SYT16: variants seen among roughly 807,000 people sequenced by gnomAD.
SYT16 encodes the protein synaptotagmin 16, also known as synaptotagmin-16.
Under a neutral mutation model 61.4 loss-of-function variants are expected in SYT16, and 42 were observed. That is an observed-to-expected ratio of 0.68 (90% CI 0.53 to 0.89). The LOEUF (loss-of-function observed/expected upper bound fraction) is 0.89, where lower values mean the gene tolerates loss of function less well. Ranked by LOEUF, SYT16 falls within the 40% of genes least tolerant of loss-of-function variation. The pLI, the probability that SYT16 is intolerant of heterozygous loss-of-function variation, is 0.00. For missense variants in SYT16, 804 were observed against 807.3 expected (o/e 1.00, Z 0.05); for synonymous variants, 314 against 302.3 (o/e 1.04, Z -0.40).
intron 1 of SYT16, among the ~76,000 whole-genome samples, chr14:61,932,783 G>A (rs1321960501): frequency 6.6e-6 from 1 of 152,292 alleles, no homozygotes; most frequent in Middle Eastern, 3.4e-3. Flanking sequence ...CTGCTCATGA[G>A]ATTAAGCTAC....
chr14:62,052,511 T>C (rs2055354850), intron 3 of SYT16, among the ~76,000 whole-genome samples: 1 of 152,238 alleles, frequency 6.6e-6, no homozygotes, highest in Non-Finnish European at 1.5e-5. Flanking sequence ...GCGATTACTA[T>C]GTATACTTTG....
intron 3 of SYT16, among the ~76,000 whole-genome samples, chr14:62,018,098 A>G (rs1228561741): frequency 6.6e-6 from 1 of 151,834 alleles, no homozygotes; most frequent in African/African-American, 2.4e-5. Context: ...TTCCTTTTAA[A>G]CTTACGTCAA....
In SYT16 at chr14:61,969,254, C is replaced by G. The variant is rs2051444212; in HGVS notation, c.-324-878C>G. 2.6e-5 allele frequency among the ~76,000 whole-genome samples: 4 copies of G among 152,164 alleles called. No homozygotes were observed. In the South Asian group the frequency reaches 8.3e-4, roughly 31 times the overall value. On this transcript the variant is annotated intron_variant, in intron 1 of 7. Transcript: ENST00000683842. ...TCATTCTTGATATTTGTTCTGTAATCTAACCCTTTATACAAGTTAATTTCT... is the reference window on the plus strand; with the variant it reads ...TCATTCTTGATATTTGTTCTGTAATGTAACCCTTTATACAAGTTAATTTCT...
rs187124754 is a variant in SYT16 at position 61,833,693 on chromosome 14, C to T, written c.-325+20883C>T. Among the ~76,000 whole-genome samples the T allele has an allele frequency of 2.8e-3, 389 of 140,784 alleles. 2 individuals carry two copies. The highest frequency in any genetic ancestry group is 4.4e-3 in the Non-Finnish European group (288 of 66,026). 92.4% of individuals were successfully genotyped at this position (140,784 alleles called of 152,430 possible). ...CTGGGATTACAGACATTAGCCACTG[C>T]GCCCAGCAGTGGCTTTTTTTTTTTT... is the stretch of plus-strand genomic sequence containing the variant. On this transcript the variant is annotated intron_variant, in intron 1 of 7. Transcript: ENST00000683842.
At chr14:61,977,864 A>T (rs2051885879) in intron 2 of SYT16, among the ~76,000 whole-genome samples, 1 of 152,166 alleles carries the variant, frequency 6.6e-6, no homozygotes, top group Non-Finnish European at 1.5e-5. Context: ...AAACAACATA[A>T]ATTATTTTTG....
intron 1 of SYT16, among the ~76,000 whole-genome samples, chr14:61,877,678 C>A (rs1005634582): frequency 1.3e-5 from 2 of 152,164 alleles, no homozygotes; most frequent in Non-Finnish European, 2.9e-5. Flanking sequence ...TCATTTCTGT[C>A]CAGAGTTGAG....
At chr14:61,900,304 C>T (rs2140356249) in intron 1 of SYT16, among the ~76,000 whole-genome samples, 1 of 152,172 alleles carries the variant, frequency 6.6e-6, no homozygotes, top group East Asian at 1.9e-4. Context: ...ATTATAGGTG[C>T]CTTCCACCAC....
intron 1 of SYT16, among the ~76,000 whole-genome samples, chr14:61,959,918 C>T (rs774924982): frequency 2.0e-5 from 3 of 152,008 alleles, no homozygotes; most frequent in Admixed American, 1.3e-4. Context: ...GCAGCCTTGA[C>T]CTCCTAGGCT....
intron 1 of SYT16, among the ~76,000 whole-genome samples, chr14:61,848,659 G>T (rs369234996): frequency 4.6e-5 from 7 of 152,120 alleles, no homozygotes; most frequent in East Asian, 1.9e-4. Context: ...CTTCTCTTCA[G>T]TGCGCTGAGT....
intron 7 of SYT16, among the ~76,000 whole-genome samples, chr14:62,089,077 G>A (rs1038078045): frequency 6.6e-6 from 1 of 151,974 alleles, no homozygotes; most frequent in East Asian, 1.9e-4. Context: ...CAGCACTTTG[G>A]GGGGCCCAGG....
chr14:61,951,408 T>C (rs1219848522), intron 1 of SYT16, among the ~76,000 whole-genome samples: 1 of 152,234 alleles, frequency 6.6e-6, no homozygotes, highest in African/African-American at 2.4e-5. Context: ...GTTTGTCTTT[T>C]TAAGGGTATT....
At chr14:62,073,877 A>G (rs767116843) in intron 4 of SYT16, among the ~76,000 whole-genome samples, 3 of 152,232 alleles carry the variant, frequency 2.0e-5, no homozygotes, top group East Asian at 1.9e-4. Flanking sequence ...GATAAAGACT[A>G]TGCAGTAGAT....
rs115908717 is a variant in SYT16 at position 61,946,925 on chromosome 14, G to T, written c.-324-23207G>T. 3.7e-3 allele frequency among the ~76,000 whole-genome samples: 562 copies of T among 152,230 alleles called. 2 individuals carry two copies. Among genetic ancestry groups the T allele is most frequent in the African/African-American group, 0.013 (528 of 41,532 alleles). ...CTTTGTGAGGAAGAATGTCTAAGCA[G>T]AAGATGTGGACAAAGAACGGTTGGA... On this transcript the variant is annotated intron_variant, in intron 1 of 7. Coordinates refer to ENST00000683842, the MANE Select transcript of SYT16 (RefSeq NM_001367656.1).
chr14:61,931,171 A>T (rs1311652514), intron 1 of SYT16, among the ~76,000 whole-genome samples: 1 of 152,160 alleles, frequency 6.6e-6, no homozygotes, highest in Non-Finnish European at 1.5e-5. Context: ...CACACTGTCT[A>T]TGCAGCACCT....
chr14:62,051,239 C>T (rs533264720), intron 3 of SYT16, among the ~76,000 whole-genome samples: 22 of 152,184 alleles, frequency 1.4e-4, no homozygotes, highest in Non-Finnish European at 2.5e-4. Flanking sequence ...TAGCAATGAG[C>T]GAGGCTGTGT....
chr14:61,858,702 C>G (rs972398814), intron 1 of SYT16, among the ~76,000 whole-genome samples: 3 of 152,090 alleles, frequency 2.0e-5, no homozygotes, highest in African/African-American at 7.2e-5. Context: ...TAAGTTTCTT[C>G]TCAAGAATGA....
chr14:61,889,863 C>G (rs1424728949), intron 1 of SYT16, among the ~76,000 whole-genome samples: 2 of 151,824 alleles, frequency 1.3e-5, no homozygotes, highest in East Asian at 2.0e-4. Flanking sequence ...GACTAAGACA[C>G]TCATTTAGCA....
chr14:62,084,289 T>C lies in SYT16; in HGVS notation c.1528T>C (p.Leu510=). ...SLSHGGAPEL[L]VGLSYNATTG... is the part of the protein sequence containing the mutation. ...GTCTCATGGAGGGGCGCCAGAGCTGTTGGTGGGGCTCTCGTACAATGCCAC... is the reference window on the plus strand; with the variant it reads ...GTCTCATGGAGGGGCGCCAGAGCTGCTGGTGGGGCTCTCGTACAATGCCAC... The change falls in exon 7 of 8, where the codon TTG becomes CTG. Residue 510 remains leucine (L), a synonymous_variant. Transcript: ENST00000683842. 1.2e-6 allele frequency: 2 copies of C among 1,613,780 alleles called. No homozygotes were observed. Among genetic ancestry groups the C allele is most frequent in the Non-Finnish European group, 1.7e-6 (2 of 1,179,826 alleles).
chr14:62,064,365 A>G (rs71422933), intron 3 of SYT16, among the ~76,000 whole-genome samples: 2 of 148,384 alleles, frequency 1.3e-5, no homozygotes, highest in African/African-American at 5.0e-5. Context: ...AAAAGAAAAC[A>G]CTGGGGAGAG....
Sources: gnomAD v4.1 joint callset for allele counts (sites outside exome capture counted in the v4.1 genomes callset) on GRCh38, gnomAD v4.1.1 for gene constraint, MANE v1.5 for transcripts, NCBI Gene and HGNC (gene_info 2026-07-23, HGNC 2026-07-21) for gene names.